Variants in HAGH observed in about 807,000 individuals in gnomAD.
The protein encoded by HAGH is hydroxyacylglutathione hydrolase.
Under a neutral mutation model 35.1 loss-of-function variants are expected in HAGH, and 29 were observed. That is an observed-to-expected ratio of 0.83 (90% CI 0.62 to 1.13). HAGH has a LOEUF of 1.13. HAGH is among the 50% of genes most tolerant of loss of function. The pLI, the probability that HAGH is intolerant of heterozygous loss-of-function variation, is 0.00. For missense variants in HAGH, 478 were observed against 419.6 expected, an observed-to-expected ratio of 1.14 and a Z score of -1.22; for synonymous variants, 225 against 176.1, an observed-to-expected ratio of 1.28 and a Z score of -2.20.
intron 4 of HAGH, 85 bp downstream of exon 4, chr16:1,819,812 G>T: frequency 1.2e-6 from 1 of 835,292 alleles, no homozygotes; most frequent in South Asian, 1.4e-5. Flanking sequence ...TGGGGTAAGG[G>T]AGCAGAGAGA....
chr16:1,822,311 GGTGGTGAGCACT>G lies in HAGH; in HGVS notation c.291_302del (p.Val98_Thr101del). On this transcript the variant is annotated inframe_deletion, in exon 3 of 9. Transcript: ENST00000397356. Reference sequence around the variant, plus strand: ...GACGCGGCACTTACCAGTGGTGGTGGGTGGTGAGCACTGTGGTCAGTTTCACCCCGTGCTTTC... The same window carrying G: ...GACGCGGCACTTACCAGTGGTGGTGGGTGGTCAGTTTCACCCCGTGCTTTC... 1.2e-6 allele frequency: 2 copies of G among 1,608,786 alleles called. No homozygotes were observed. The highest frequency in any genetic ancestry group is 1.7e-6 in the Non-Finnish European group (2 of 1,175,874).
intron 1 of HAGH, among the ~76,000 whole-genome samples, chr16:1,824,226 A>AC: frequency 6.6e-6 from 1 of 151,594 alleles, no homozygotes; most frequent in East Asian, 1.9e-4. Flanking sequence ...TCTCAAAAAA[A>AC]AAAAAAAACA....
intron 1 of HAGH, among the ~76,000 whole-genome samples, chr16:1,825,098 C>T (rs539962787): frequency 5.3e-5 from 8 of 152,242 alleles, no homozygotes; most frequent in Non-Finnish European, 1.0e-4. Context: ...GCGGGCGGAT[C>T]GCGGGGTCAG....
chr16:1,815,938 T>G (rs1368870840), intron 7 of HAGH, among the ~76,000 whole-genome samples: 1 of 115,926 alleles, frequency 8.6e-6, no homozygotes, highest in Non-Finnish European at 1.8e-5. Flanking sequence ...GAGAATTTTT[T>G]TTTTTTTTTT....
At chr16:1,825,186 C>T (rs1898341860) in intron 1 of HAGH, among the ~76,000 whole-genome samples, 1 of 152,108 alleles carries the variant, frequency 6.6e-6, no homozygotes, top group Non-Finnish European at 1.5e-5. Context: ...GGCGTGGTGG[C>T]GAGCGCCTGT....
At chr16:1,810,525 A>C (rs1385463447) in intron 7 of HAGH, 1 of 151,906 alleles carries the variant, frequency 6.6e-6, no homozygotes, top group Non-Finnish European at 1.5e-5. Context: ...CCTCCTCTCG[A>C]GATGGAGATG....
At chr16:1,810,936 C>A (rs1045378693) in intron 7 of HAGH, 1 of 152,210 alleles carries the variant, frequency 6.6e-6, no homozygotes, top group African/African-American at 2.4e-5. Context: ...TGTGTTCCCA[C>A]CAACATTCTC....
chr16:1,826,518 C>G (rs1404581182), intron 1 of HAGH, 194 bp downstream of exon 1: 1 of 978,666 alleles, frequency 1.0e-6, no homozygotes, highest in Admixed American at 6.2e-5. Flanking sequence ...TAGCGCTTTC[C>G]GCACCCGCGG....
Position 1,809,568 on chromosome 16 carries a change from C to G in HAGH, c.827+186G>C, listed in dbSNP as rs184377513. The G allele has an allele frequency of 7.5e-6, 5 of 665,978 alleles. 1 individual carries two copies. The highest frequency in any genetic ancestry group is 4.1e-4 in the Middle Eastern group (1 of 2,432). The allele number at this position is 665,978 out of a possible 1,614,324, so 41.3% of individuals were successfully genotyped here. ...CTCCAGGGTCCAGAAGGACTCACAC[C>G]CCGGCCAAGGTGCCAGGAAAGGCCG... On this transcript the variant is annotated intron_variant, in intron 8 of 8. Transcript: ENST00000397356.
At chr16:1,824,978 TC>T (rs745385221) in intron 1 of HAGH, among the ~76,000 whole-genome samples, 206 of 152,216 alleles carry the variant, frequency 1.4e-3, no homozygotes, top group Non-Finnish European at 2.7e-3. Context: ...GTGCCGGGCG[TC>T]CTCCTGGAAA....
At chr16:1,818,170 C>G (rs996239990) in intron 5 of HAGH, among the ~76,000 whole-genome samples, 1 of 152,164 alleles carries the variant, frequency 6.6e-6, no homozygotes, top group African/African-American at 2.4e-5. Context: ...CAGGGCTGTC[C>G]TTGCGCCAGG....
upstream of HAGH, chr16:1,827,134 C>G: frequency 6.8e-7 from 1 of 1,470,250 alleles, no homozygotes. Context: ...AACGGGCCGT[C>G]GCTGCGGGGG....
chr16:1,826,695 CGCCCCGCCGCACCCACCGAG>C lies in HAGH; in HGVS notation c.73_76+16del. ...CAGGCCCGCGTCCCCCGGCCCGCAC[CGCCCCGCCGCACCCACCGAG>C]GCCTCGGCGGGCGCAGGCGGCTCCC... On this transcript the variant is annotated splice_donor_variant and splice_donor_5th_base_variant and coding_sequence_variant and intron_variant, in exon 1 of 9. Coordinates refer to ENST00000397356, the MANE Select transcript of HAGH (RefSeq NM_005326.6). LOFTEE classifies it high-confidence loss of function. 1 of 1,042,168 alleles carries C rather than the reference CGCCCCGCCGCACCCACCGAG, an allele frequency of 9.6e-7. No individual in the cohort carries two copies. The highest frequency in any genetic ancestry group is 1.2e-6 in the Non-Finnish European group (1 of 866,830). The allele number at this position is 1,042,168 out of a possible 1,614,324, so 64.6% of individuals were successfully genotyped here.
intron 7 of HAGH, 58 bp from the exon 8 acceptor site, chr16:1,809,891 C>T (rs948595017): frequency 1.6e-5 from 20 of 1,275,978 alleles, no homozygotes; most frequent in African/African-American, 2.9e-5. Flanking sequence ...AGACCAGGCA[C>T]GGAGGCTCAC....
In HAGH at chr16:1,809,387, GGAGGCCAGCACC is replaced by G; in HGVS notation, c.828-17_828-6del. ...TGCTGCTGCACCGTCTTCTCCCTGC[GGAGGCCAGCACC>G]GGGCTGCAGGCTGTGCCGAGCCACG... On this transcript the variant is annotated splice_polypyrimidine_tract_variant and splice_region_variant and intron_variant, in intron 8 of 8. Transcript: ENST00000397356. 2 of 1,606,676 alleles carry G rather than the reference GGAGGCCAGCACC, an allele frequency of 1.2e-6. No homozygotes were observed. The highest frequency in any genetic ancestry group is 1.7e-6 in the Non-Finnish European group (2 of 1,178,112).
At chr16:1,819,059 G>A in intron 5 of HAGH, 56 bp downstream of exon 5, 1 of 1,100,652 alleles carries the variant, frequency 9.1e-7, no homozygotes, top group Non-Finnish European at 1.4e-6. Context: ...CTGCCTGGCA[G>A]GAGACACAGG....
At position 1,809,836 on chromosome 16, in the gene HAGH, G is replaced by GC; in HGVS notation, c.748-4dup. On this transcript the variant is annotated splice_polypyrimidine_tract_variant and splice_region_variant and intron_variant, in intron 7 of 8. Coordinates refer to ENST00000397356, the MANE Select transcript of HAGH (RefSeq NM_005326.6). The stretch of plus-strand genomic sequence containing the variant: ...GGCTCCCCGATGCTGTACTTCTCCT[G>GC]CAAGAGAAACGCACCACTTTATCAC... 18 of 1,611,732 alleles carry GC rather than the reference G, an allele frequency of 1.1e-5. No homozygotes were observed. The highest frequency in any genetic ancestry group is 1.4e-5 in the Non-Finnish European group (17 of 1,177,844).
chr16:1,824,917 G>A (rs1394053119), intron 1 of HAGH, among the ~76,000 whole-genome samples: 1 of 152,036 alleles, frequency 6.6e-6, no homozygotes, highest in Non-Finnish European at 1.5e-5. Flanking sequence ...AGCAGAGTGT[G>A]GGTGCTGGGG....
At chr16:1,813,015 G>A (rs1657111) in intron 7 of HAGH, among the ~76,000 whole-genome samples, 96,606 of 152,102 alleles carry the variant, frequency 0.64, 32,747 homozygotes, top group Middle Eastern at 0.78. Flanking sequence ...CACACCTCCC[G>A]TCCAGCCCGG....
Sources: gnomAD v4.1 joint callset for allele counts (sites outside exome capture counted in the v4.1 genomes callset) on GRCh38, gnomAD v4.1.1 for gene constraint, MANE v1.5 for transcripts, NCBI Gene and HGNC (gene_info 2026-07-23, HGNC 2026-07-21) for gene names.